The following EPG5 variants were observed in gnomAD, a reference collection of about 807,000 sequenced individuals.
EPG5 encodes the protein ectopic P-granules 5 autophagy tethering factor.
In EPG5, 159 loss-of-function variants were observed where a neutral mutation model predicts 302.7. The ratio of observed to expected loss-of-function variants is 0.53; its 90% CI spans 0.46 to 0.60. The LOEUF (loss-of-function observed/expected upper bound fraction) is 0.60, where lower values mean the gene tolerates loss of function less well. Among genes scored for constraint, EPG5 ranks in the 20% least tolerant of loss-of-function variants. EPG5 has a pLI of 0.00. For missense variants in EPG5, 2,896 were observed against 3,092.4 expected (o/e 0.94, Z 1.51); for synonymous variants, 1,158 against 1,136.8 (o/e 1.02, Z -0.37).
At chr18:45,813,547 A>C in the EPG5 span, among the ~76,000 whole-genome samples, 1 of 152,254 alleles carries the variant, frequency 6.6e-6, no homozygotes, top group Non-Finnish European at 1.5e-5. Flanking sequence ...CTGGATTAAG[A>C]AAATGTAGCA....
At chr18:45,805,077 C>A in the EPG5 span, among the ~76,000 whole-genome samples, 107,343 of 151,868 alleles carry the variant, frequency 0.71, 38,565 homozygotes, top group East Asian at 0.92. Context: ...TGGGTAAAAA[C>A]TACAATAATA....
intron 2 of EPG5, chr18:45,953,650 C>T: frequency 1.0e-6 from 1 of 985,396 alleles, no homozygotes; most frequent in Non-Finnish European, 1.2e-6. Context: ...TCTCCATCCC[C>T]TCTCAAACTT....
chr18:45,882,950 T>C (rs1019381936), intron 30 of EPG5, among the ~76,000 whole-genome samples: 8 of 144,854 alleles, frequency 5.5e-5, no homozygotes, highest in African/African-American at 2.1e-4. Context: ...GAGGTTGCAG[T>C]GAGCCGAGAT....
chr18:45,967,206 T>TGGCCCGGCGCTGGGGCTTCACC lies in EPG5; in HGVS notation c.12_33dup (p.Lys12GlyfsTer15). The TGGCCCGGCGCTGGGGCTTCACC allele has an allele frequency of 1.2e-6, 2 of 1,606,104 alleles. No individual in the cohort carries two copies. Among genetic ancestry groups the TGGCCCGGCGCTGGGGCTTCACC allele is most frequent in the East Asian group, 2.2e-5 (1 of 44,572 alleles). ...GTTTTAGTCCGGCTGGCCTTGGCCT[T>TGGCCCGGCGCTGGGGCTTCACC]GGCCCGGCGCTGGGGCTTCACCGCC... On this transcript the variant is annotated frameshift_variant, in exon 1 of 44. Coordinates refer to ENST00000282041, the MANE Select transcript of EPG5 (RefSeq NM_020964.3). LOFTEE classifies it high-confidence loss of function.
Position 45,867,741 on chromosome 18 carries a change from C to A in EPG5, c.6233G>T (p.Arg2078Leu). The A allele has an allele frequency of 6.3e-7, 1 of 1,595,436 alleles. No individual in the cohort carries two copies. The highest frequency in any genetic ancestry group is 1.4e-5 in the African/African-American group (1 of 73,868). ...MLMEAFFKVE[R>L]GSPKSCFLFL... ...TAAGAAACAGCTCTTGGGGCTTCCT[C>A]GTTCCACCTAAAAGAAAATGAATTA... The change falls in exon 37 of 44, where the codon CGA becomes CTA. Residue 2078 changes from arginine to leucine, a missense_variant. Arg to Leu is a moderately radical substitution (Grantham distance 102). Around this residue, in one of 5 missense-constraint regions of EPG5, gnomAD observed 620 missense variants for 704.2 expected, o/e 0.88. Coordinates refer to ENST00000282041, the MANE Select transcript of EPG5 (RefSeq NM_020964.3).
chr18:45,967,081 A>T, intron 1 of EPG5, 96 bp downstream of exon 1: 1 of 1,229,402 alleles, frequency 8.1e-7, no homozygotes. Context: ...CAGAGGGCTC[A>T]GGGAACGGGA....
chr18:45,949,002 C>G (rs1339223739), intron 5 of EPG5, among the ~76,000 whole-genome samples: 1 of 152,082 alleles, frequency 6.6e-6, no homozygotes, highest in East Asian at 1.9e-4. Context: ...ACAAAATGAC[C>G]CAAAGGCAAC....
intron 1 of EPG5, among the ~76,000 whole-genome samples, chr18:45,963,411 T>C (rs1462651476): frequency 1.3e-5 from 2 of 152,042 alleles, no homozygotes; most frequent in East Asian, 1.9e-4. Context: ...CCGAGATGGG[T>C]GGATCATCCG....
rs1568134108 is a variant in EPG5 at position 45,899,683 on chromosome 18, T to C, written c.4647-117A>G. The C allele has an allele frequency of 6.7e-6, 7 of 1,044,396 alleles. No individual in the cohort carries two copies. The East Asian group carries it at 1.0e-4, about 15-fold the overall frequency. The allele number at this position is 1,044,396 out of a possible 1,614,324, so 64.7% of individuals were successfully genotyped here. On this transcript the variant is annotated intron_variant, in intron 26 of 43. Coordinates refer to ENST00000282041, the MANE Select transcript of EPG5 (RefSeq NM_020964.3). ...AGTGCAGCAAAAGACACATAAACCA[T>C]AGTAACAGAGGACCAAAGGTTGTGA...
chr18:45,928,989 A>G lies in EPG5; in HGVS notation c.2433T>C (p.Ser811=), dbSNP rs764750828. 6 of 1,613,934 alleles carry G rather than the reference A, an allele frequency of 3.7e-6. No individual in the cohort carries two copies. The East Asian group carries it at 1.3e-4, about 36-fold the overall frequency. ...CAACCTTTGAAAAAGTCTCTCTGGT[A>G]GACAAGGTGACATAAGATACCTAAA... ...EIYEVSYVTL[S]TRETFSKVGR... The change falls in exon 13 of 44, where the codon TCT becomes TCC. Residue 811 remains serine, a synonymous_variant. Transcript: ENST00000282041.
At chr18:45,960,167 T>C (rs1304872086) in intron 1 of EPG5, among the ~76,000 whole-genome samples, 3 of 152,202 alleles carry the variant, frequency 2.0e-5, no homozygotes, top group African/African-American at 7.2e-5. Context: ...AATGTATATA[T>C]AATAATCATT....
chr18:45,899,292 G>T, intron 27 of EPG5, 112 bp downstream of exon 27: 1 of 1,269,986 alleles, frequency 7.9e-7, no homozygotes, highest in Non-Finnish European at 1.1e-6. Context: ...ACTAGTAAAT[G>T]TTTGGGACAC....
Position 45,897,848 on chromosome 18 carries a change from A to G in EPG5, c.4809+1556T>C, listed in dbSNP as rs962726922. Among the ~76,000 whole-genome samples the G allele has an allele frequency of 5.9e-5, 9 of 152,230 alleles. No individual in the cohort carries two copies. In the East Asian group the frequency reaches 1.7e-3, roughly 29 times the overall value. On this transcript the variant is annotated intron_variant, in intron 27 of 43. Coordinates refer to ENST00000282041, the MANE Select transcript of EPG5 (RefSeq NM_020964.3). ...CAAGGAAATTGATGGAGACATTGGA[A>G]TAGTTACAATGAAAATTAGCAAAAA...
intron 9 of EPG5, among the ~76,000 whole-genome samples, 166 bp from the exon 10 acceptor site, chr18:45,939,921 A>G (rs974085136): frequency 2.0e-5 from 3 of 152,170 alleles, no homozygotes; most frequent in Non-Finnish European, 4.4e-5. Context: ...ATAAAATCCT[A>G]CCTTCATGGA....
At chr18:45,838,597 C>T in the EPG5 span, 1 of 1,316,008 alleles carries the variant, frequency 7.6e-7, no homozygotes, top group Non-Finnish European at 1.0e-6. Flanking sequence ...GGGACGGGGG[C>T]AGCCTGGCAC....
chr18:45,894,169 A>T (rs1044834169), intron 27 of EPG5, among the ~76,000 whole-genome samples: 8 of 152,192 alleles, frequency 5.3e-5, no homozygotes, highest in Admixed American at 1.3e-4. Context: ...TACTAAAAAA[A>T]TTAAAACAGG....
intron 27 of EPG5, among the ~76,000 whole-genome samples, chr18:45,891,272 G>A (rs182668937): frequency 5.2e-4 from 79 of 151,988 alleles, no homozygotes; most frequent in Non-Finnish European, 7.2e-4. Context: ...GCCGAGGTGC[G>A]CGGATCACTT....
At chr18:45,919,892 A>G (rs1048206659) in intron 16 of EPG5, among the ~76,000 whole-genome samples, 12 of 152,188 alleles carry the variant, frequency 7.9e-5, no homozygotes, top group African/African-American at 2.7e-4. Context: ...GGGAAACCTG[A>G]AGTACAGGAA....
At chr18:45,894,844 T>C (rs961791296) in intron 27 of EPG5, among the ~76,000 whole-genome samples, 3 of 152,188 alleles carry the variant, frequency 2.0e-5, no homozygotes, top group African/African-American at 7.2e-5. Context: ...TAACAGATTA[T>C]GAAGGGCGCT....
Sources: gnomAD v4.1 joint callset for allele counts (sites outside exome capture counted in the v4.1 genomes callset) on GRCh38, gnomAD v4.1.1 for gene constraint, gnomAD v4.1.1 regional missense constraint, MANE v1.5 for transcripts, NCBI Gene and HGNC (gene_info 2026-07-23, HGNC 2026-07-21) for gene names.